Variants in TMEM30A observed in about 807,000 individuals in gnomAD.
The protein encoded by TMEM30A is cell division cycle 50 P4-ATPase accessory subunit A.
In TMEM30A, 24 loss-of-function variants were observed where a neutral mutation model predicts 38.2. The ratio of observed to expected loss-of-function variants is 0.63; its 90% CI spans 0.46 to 0.88. The LOEUF is 0.88. TMEM30A is among the 40% of genes least tolerant of loss of function. The probability of loss-of-function intolerance (pLI) is 0.00; values close to 1 mark genes in which losing one functional copy is unlikely to be tolerated. For synonymous variants in TMEM30A, 145 were observed against 161.6 expected, an observed-to-expected ratio of 0.90 and a Z score of 0.78; for missense variants, 370 against 458.6, an observed-to-expected ratio of 0.81 and a Z score of 1.77.
intron 1 of TMEM30A, among the ~76,000 whole-genome samples, chr6:75,281,617 T>C (rs187868240): frequency 1.3e-5 from 2 of 152,266 alleles, no homozygotes; most frequent in Admixed American, 6.5e-5. Flanking sequence ...TAATGTAACA[T>C]TTCTGCGGGA....
intron 1 of TMEM30A, among the ~76,000 whole-genome samples, chr6:75,275,746 G>A (rs1310429547): frequency 2.0e-5 from 3 of 151,988 alleles, no homozygotes; most frequent in Non-Finnish European, 4.4e-5. Context: ...CTCTTAACTG[G>A]TTTCCCTGTG....
chr6:75,280,647 A>G (rs1312165292), intron 1 of TMEM30A, among the ~76,000 whole-genome samples: 1 of 152,120 alleles, frequency 6.6e-6, no homozygotes, highest in African/African-American at 2.4e-5. Context: ...AGCTGGCCAT[A>G]TTTACTTTCG....
chr6:75,270,406 A>G (rs1159077381), intron 1 of TMEM30A, among the ~76,000 whole-genome samples: 1 of 152,160 alleles, frequency 6.6e-6, no homozygotes, highest in East Asian at 1.9e-4. Flanking sequence ...GTATGATGGT[A>G]TCTGGAGAAG....
chr6:75,259,265 T>C, intron 5 of TMEM30A, 82 bp downstream of exon 5: 1 of 1,452,042 alleles, frequency 6.9e-7, no homozygotes, highest in South Asian at 1.4e-5. Context: ...AGCATAACTT[T>C]AAGATTCTGA....
rs554804051 is a variant in TMEM30A at position 75,255,382 on chromosome 6, C to T, written c.*720G>A. The T allele has an allele frequency of 1.1e-4, 17 of 152,622 alleles. No individual in the cohort carries two copies. In the East Asian group the frequency reaches 3.3e-3, roughly 29 times the overall value. 9.5% of individuals were successfully genotyped at this position (152,622 alleles called of 1,614,324 possible). A position where few individuals can be genotyped will look rare whatever the true frequency, so the allele number is the denominator to read the frequency against. On this transcript the variant is annotated 3_prime_UTR_variant, in exon 7 of 7. Coordinates refer to ENST00000230461, the MANE Select transcript of TMEM30A (RefSeq NM_018247.4). ...CAAGGGAAATGATTACATATAAAAA[C>T]ATTCCAAGTGAGTTGGGGTTCCTGA...
At chr6:75,271,395 C>G (rs959395519) in intron 1 of TMEM30A, among the ~76,000 whole-genome samples, 33 of 152,014 alleles carry the variant, frequency 2.2e-4, no homozygotes, top group African/African-American at 7.7e-4. Flanking sequence ...TGAAAGATAG[C>G]TATAACATCT....
At chr6:75,269,031 A>C (rs1297239864) in intron 1 of TMEM30A, among the ~76,000 whole-genome samples, 1 of 152,210 alleles carries the variant, frequency 6.6e-6, no homozygotes, top group Non-Finnish European at 1.5e-5. Flanking sequence ...GGTTCACAGC[A>C]AAACTGAACA....
intron 1 of TMEM30A, among the ~76,000 whole-genome samples, chr6:75,276,981 C>T (rs1048083714): frequency 1.3e-5 from 2 of 151,926 alleles, no homozygotes; most frequent in Non-Finnish European, 2.9e-5. Context: ...ACTCTCTTCC[C>T]TCTTTTGGTT....
At chr6:75,269,656 C>A (rs1772133327) in intron 1 of TMEM30A, among the ~76,000 whole-genome samples, 1 of 151,818 alleles carries the variant, frequency 6.6e-6, no homozygotes, top group Admixed American at 6.6e-5. Flanking sequence ...TGGCTAAATA[C>A]AAGGTATGCA....
intron 5 of TMEM30A, 86 bp downstream of exon 5, chr6:75,259,261 A>G (rs1771922070): frequency 1.4e-6 from 2 of 1,434,310 alleles, no homozygotes; most frequent in African/African-American, 2.9e-5. Context: ...TCAAAGCATA[A>G]CTTTAAGATT....
chr6:75,282,012 C>A (rs1419560079), intron 1 of TMEM30A, among the ~76,000 whole-genome samples: 1 of 152,154 alleles, frequency 6.6e-6, no homozygotes, highest in Non-Finnish European at 1.5e-5. Context: ...GTAAAAAATT[C>A]CCAATTATTC....
chr6:75,279,024 C>T (rs1772310240), intron 1 of TMEM30A, among the ~76,000 whole-genome samples: 1 of 151,848 alleles, frequency 6.6e-6, no homozygotes, highest in African/African-American at 2.4e-5. Context: ...GCCTGTGCCA[C>T]TCACCTAGCA....
rs1484411958 is a variant in TMEM30A at position 75,267,732 on chromosome 6, G to T, written c.254C>A (p.Thr85Lys). The T allele has an allele frequency of 3.1e-6, 5 of 1,602,948 alleles. No individual in the cohort carries two copies. Among genetic ancestry groups the T allele is most frequent in the Non-Finnish European group, 4.3e-6 (5 of 1,174,784 alleles). Residue 85 changes from threonine to lysine, a missense_variant, in exon 2 of 7, where the codon ACA becomes AAA. Physicochemically the swap from Thr to Lys is moderately conservative, Grantham distance 78. Transcript: ENST00000230461. ...TTTATTACAGGGACTGGAAGGCTCT[G>T]TTCCGGTATAATCAATCTGCAAGAG... ...IREIEIDYTGTEPSSPCNKCL... is the reference protein window; with the variant it reads ...IREIEIDYTGKEPSSPCNKCL...
chr6:75,279,180 C>G (rs974071084), intron 1 of TMEM30A, among the ~76,000 whole-genome samples: 28 of 152,126 alleles, frequency 1.8e-4, no homozygotes, highest in African/African-American at 6.8e-4. Flanking sequence ...CCACTATTCC[C>G]AGAGATGCAC....
intron 6 of TMEM30A, chr6:75,256,854 G>T (rs1037026843): frequency 2.1e-4 from 94 of 443,128 alleles, no homozygotes; most frequent in Non-Finnish European, 4.2e-4. Context: ...AGCTAACAGT[G>T]GCAGTGAAGG....
intron 5 of TMEM30A, 64 bp from the exon 6 acceptor site, chr6:75,259,050 G>A: frequency 7.2e-7 from 1 of 1,380,544 alleles, no homozygotes; most frequent in East Asian, 2.4e-5. Flanking sequence ...AAGTGGCGGA[G>A]AAACGAATAA....
At chr6:75,283,480 G>A (rs2149525971) in intron 1 of TMEM30A, among the ~76,000 whole-genome samples, 1 of 152,200 alleles carries the variant, frequency 6.6e-6, no homozygotes, top group East Asian at 1.9e-4. Context: ...TATTAATACA[G>A]TGTACTGTCA....
intron 1 of TMEM30A, among the ~76,000 whole-genome samples, chr6:75,271,989 G>C (rs116996087): frequency 1.3e-5 from 2 of 152,172 alleles, no homozygotes; most frequent in South Asian, 4.1e-4. Flanking sequence ...GTGGCATATG[G>C]AGAAGACAGA....
At chr6:75,270,971 G>C (rs912648173) in intron 1 of TMEM30A, among the ~76,000 whole-genome samples, 1 of 152,188 alleles carries the variant, frequency 6.6e-6, no homozygotes, top group African/African-American at 2.4e-5. Flanking sequence ...CATTAGACCT[G>C]TTGGGCCACA....
Sources: gnomAD v4.1 joint callset for allele counts (sites outside exome capture counted in the v4.1 genomes callset) on GRCh38, gnomAD v4.1.1 for gene constraint, MANE v1.5 for transcripts, NCBI Gene and HGNC (gene_info 2026-07-23, HGNC 2026-07-21) for gene names.